The following PDZD4 variants were observed in gnomAD, a reference collection of about 807,000 sequenced individuals.
PDZD4 encodes the protein PDZ domain containing 4.
A neutral mutation model predicts 38.5 loss-of-function variants in PDZD4; 9 were observed. That is an observed-to-expected ratio of 0.23 (90% CI 0.14 to 0.41). The LOEUF (loss-of-function observed/expected upper bound fraction) is 0.41, where lower values mean the gene tolerates loss of function less well. Ranked by LOEUF, PDZD4 falls within the 10% of genes least tolerant of loss-of-function variation. PDZD4 has a pLI of 1.00. For synonymous variants in PDZD4, 349 were observed against 315.7 expected, an observed-to-expected ratio of 1.11 and a Z score of -1.12; for missense variants, 612 against 722.0, an observed-to-expected ratio of 0.85 and a Z score of 1.75.
intron 1 of PDZD4, among the ~76,000 whole-genome samples, chrX:153,827,310 A>G (rs912291265): frequency 8.9e-6 from 1 of 111,939 alleles, no homozygotes; most frequent in African/African-American, 3.2e-5. Context: ...TGGAACCCTT[A>G]TATGTTGCTG....
At chrX:153,818,479 AAAAGCAAAAGC>A (rs782623813) in intron 1 of PDZD4, among the ~76,000 whole-genome samples, 2 of 111,762 alleles carry the variant, frequency 1.8e-5, no homozygotes, top group African/African-American at 3.3e-5. Context: ...TAAAAATTTA[AAAAGCAAAAGC>A]ATGAGATGGA....
intron 2 of PDZD4, among the ~76,000 whole-genome samples, chrX:153,807,679 A>C (rs2064266143): frequency 1.8e-5 from 2 of 111,628 alleles, no homozygotes; most frequent in African/African-American, 6.5e-5. Context: ...AACTTCTCCA[A>C]TCTCCGGGTG....
rs1557074922 is a variant in PDZD4 at position 153,802,567 on chromosome X, T to A, written c.*786A>T. 8.9e-6 allele frequency: 1 copy of A among 111,834 alleles called. No individual in the cohort carries two copies. 9.2% of individuals were successfully genotyped at this position (111,834 alleles called of 1,213,427 possible). On this transcript the variant is annotated 3_prime_UTR_variant, in exon 8 of 8. Transcript: ENST00000393758. The stretch of plus-strand genomic sequence containing the variant: ...ACACCCTGCAGGACCCCTCCGTTCC[T>A]GCAGTCTTGCTCTCTCTGAGTCACT...
rs782404871 is a variant in PDZD4, at chrX:153,805,611, G to A, written c.568-5C>T. On this transcript the variant is annotated splice_region_variant and splice_polypyrimidine_tract_variant and intron_variant, in intron 5 of 7. Transcript: ENST00000393758. ...CTGGACGTCTACACCGTTAATCTGA[G>A]GCAGGCAGGATACAATCAACAAGCA... 27 of 1,197,879 alleles carry A rather than the reference G, an allele frequency of 2.3e-5. No homozygotes were observed. The Admixed American group carries it at 5.4e-4, about 24-fold the overall frequency.
chrX:153,817,839 G>A (rs2064378455), intron 1 of PDZD4, among the ~76,000 whole-genome samples: 1 of 112,313 alleles, frequency 8.9e-6, no homozygotes, highest in African/African-American at 3.2e-5. Flanking sequence ...CCCGAGGCAT[G>A]TGGACATCTC....
intron 4 of PDZD4, among the ~76,000 whole-genome samples, chrX:153,806,423 A>T (rs1468260762): frequency 2.7e-5 from 3 of 112,622 alleles, no homozygotes; most frequent in Non-Finnish European, 3.8e-5. Context: ...GGATGCTACT[A>T]GTAGGGAGGG....
chrX:153,812,526 C>T (rs782591219), intron 1 of PDZD4, among the ~76,000 whole-genome samples: 23 of 111,013 alleles, frequency 2.1e-4, no homozygotes, highest in Non-Finnish European at 3.2e-4. Context: ...CTCAGCACCT[C>T]GGATCAGCAG....
At position 153,806,103 on chromosome X, in the gene PDZD4, C is replaced by T. The variant is rs782727667; in HGVS notation, c.535G>A (p.Gly179Ser). Residue 179 changes from glycine to serine, a missense_variant, in exon 5 of 8, where the codon GGC becomes AGC. Transcript: ENST00000393758. ...VNPNSIAAKDGRIREGDRIIQ... is the reference protein window; with the variant it reads ...VNPNSIAAKDSRIREGDRIIQ... ...ATGCGGTCTCCCTCACGGATCCGGC[C>T]GTCTTTGGCTGCAATGCTGTTGGGA... 4 of 1,211,744 alleles carry T rather than the reference C, an allele frequency of 3.3e-6. No homozygotes were observed. Among genetic ancestry groups the T allele is most frequent in the Non-Finnish European group, 4.5e-6 (4 of 895,472 alleles).
At chrX:153,816,516 A>G (rs1356063718) in intron 1 of PDZD4, among the ~76,000 whole-genome samples, 1 of 109,652 alleles carries the variant, frequency 9.1e-6, no homozygotes, top group Non-Finnish European at 1.9e-5. Context: ...AGAGGGGGGA[A>G]TCCTGCCCCA....
At chrX:153,806,002 A>G in intron 5 of PDZD4, 69 bp downstream of exon 5, 3 of 1,114,515 alleles carry the variant, frequency 2.7e-6, no homozygotes, top group Non-Finnish European at 3.7e-6. Flanking sequence ...GGGACTGGCT[A>G]AAGAGAGGTG....
rs915213791 is a variant in PDZD4, at chrX:153,803,202, C to T, written c.*151G>A. 6 of 346,758 alleles carry T rather than the reference C, an allele frequency of 1.7e-5. No individual in the cohort carries two copies. The highest frequency in any genetic ancestry group is 2.7e-5 in the African/African-American group (1 of 36,981). 28.6% of individuals were successfully genotyped at this position (346,758 alleles called of 1,213,427 possible). On this transcript the variant is annotated 3_prime_UTR_variant, in exon 8 of 8. Transcript: ENST00000393758. ...CAGGGGCTTCTCTCTGCTAACAAAG[C>T]CCTGTGCGCACACCCAGACGAGGAG... is the stretch of plus-strand genomic sequence containing the variant.
intron 3 of PDZD4, among the ~76,000 whole-genome samples, 162 bp downstream of exon 3, chrX:153,807,117 C>G (rs1482056249): frequency 1.8e-5 from 2 of 112,963 alleles, no homozygotes; most frequent in Non-Finnish European, 3.8e-5. Context: ...GGGACGTGGA[C>G]TCACCGACAT....
chrX:153,816,708 G>A (rs1822472527), intron 1 of PDZD4, among the ~76,000 whole-genome samples: 1 of 111,893 alleles, frequency 8.9e-6, no homozygotes, highest in Non-Finnish European at 1.9e-5. Flanking sequence ...CTCTGGGTCG[G>A]TGACACTTGA....
intron 1 of PDZD4, among the ~76,000 whole-genome samples, chrX:153,814,340 G>A (rs1179368196): frequency 9.0e-6 from 1 of 110,983 alleles, no homozygotes; most frequent in Non-Finnish European, 1.9e-5. Flanking sequence ...CGGGCATGGT[G>A]GTGCACGCCT....
In PDZD4 at chrX:153,805,596, A is replaced by G; in HGVS notation, c.578T>C (p.Val193Ala). ...CGCCTCTTCCCGGTTCTGGACGTCT[A>G]CACCGTTAATCTGAGGCAGGCAGGA... ...EGDRIIQING[V>A]DVQNREEAVA... The change falls in exon 6 of 8, where the codon GTA becomes GCA. Residue 193 changes from valine to alanine, a missense_variant. By Grantham distance (64) the Val-to-Ala change is moderately conservative (BLOSUM62 0). Around this residue, in one of 3 missense-constraint regions of PDZD4, gnomAD observed 225 missense variants for 311.0 expected, o/e 0.72. Transcript: ENST00000393758. The G allele has an allele frequency of 8.3e-7, 1 of 1,206,733 alleles. No individual in the cohort carries two copies. The highest frequency in any genetic ancestry group is 1.1e-6 in the Non-Finnish European group (1 of 892,070).
chrX:153,825,791 TA>T (rs1398643526), intron 1 of PDZD4, among the ~76,000 whole-genome samples: 2 of 112,444 alleles, frequency 1.8e-5, no homozygotes, highest in Non-Finnish European at 3.8e-5. Context: ...AAGCCACAGC[TA>T]ACTTTATACC....
At chrX:153,819,219 A>T (rs995363916) in intron 1 of PDZD4, among the ~76,000 whole-genome samples, 1 of 112,659 alleles carries the variant, frequency 8.9e-6, no homozygotes, top group African/African-American at 3.2e-5. Flanking sequence ...CGCCCCGCCA[A>T]CCCCGTCGGA....
chrX:153,825,826 C>A (rs1557082391), intron 1 of PDZD4, among the ~76,000 whole-genome samples: 1 of 112,474 alleles, frequency 8.9e-6, no homozygotes, highest in African/African-American at 3.2e-5. Flanking sequence ...CTGGAAGCTT[C>A]TTTACCTTTA....
Position 153,805,642 on chromosome X carries a change from G to A in PDZD4, c.568-36C>T, listed in dbSNP as rs2064240320. 5 of 1,142,323 alleles carry A rather than the reference G, an allele frequency of 4.4e-6. No homozygotes were observed. The South Asian group carries it at 5.4e-5, about 12-fold the overall frequency. 94.1% of individuals were successfully genotyped at this position (1,142,323 alleles called of 1,213,427 possible). A position where few individuals can be genotyped will look rare whatever the true frequency, so the allele number is the denominator to read the frequency against. The stretch of plus-strand genomic sequence containing the variant: ...CAGGATACAATCAACAAGCATGCTA[G>A]GGCTGGCCCTGGGGCGGACCCTGGG... On this transcript the variant is annotated intron_variant, in intron 5 of 7. Coordinates refer to ENST00000393758, the MANE Select transcript of PDZD4 (RefSeq NM_001303512.2).
Sources: allele counts gnomAD v4.1 joint callset (sites outside exome capture counted in the v4.1 genomes callset), GRCh38; gene constraint gnomAD v4.1.1; regional missense constraint gnomAD v4.1.1; transcripts MANE v1.5; gene names NCBI Gene and HGNC (gene_info 2026-07-23, HGNC 2026-07-21).